The following ITGA8 variants were observed in gnomAD, a reference collection of about 807,000 sequenced individuals.
ITGA8 encodes integrin subunit alpha 8, also known as integrin alpha-8.
A neutral mutation model predicts 142.3 loss-of-function variants in ITGA8; 91 were observed. The ratio of observed to expected loss-of-function variants is 0.64; its 90% CI spans 0.54 to 0.76. ITGA8 has a LOEUF of 0.76. Among genes scored for constraint, ITGA8 ranks in the 30% least tolerant of loss-of-function variants. The pLI is 0.00. For synonymous variants in ITGA8, 505 were observed against 485.2 expected (o/e 1.04, Z -0.54); for missense variants, 1,406 against 1,327.7 (o/e 1.06, Z -0.92).
chr10:15,671,232 G>A (rs1002549508), intron 8 of ITGA8, among the ~76,000 whole-genome samples: 2 of 152,092 alleles, frequency 1.3e-5, no homozygotes, highest in African/African-American at 2.4e-5. Flanking sequence ...GAGTTCGTTG[G>A]GGAGAGTAAT....
At chr10:15,683,951 C>G in intron 4 of ITGA8, 53 bp downstream of exon 4, 5 of 1,608,582 alleles carry the variant, frequency 3.1e-6, no homozygotes, top group Non-Finnish European at 3.4e-6. Flanking sequence ...CTCCTGTCTA[C>G]GATAGAAAAG....
At chr10:15,544,308 AAAC>A (rs774007923) in intron 27 of ITGA8, among the ~76,000 whole-genome samples, 78 of 150,758 alleles carry the variant, frequency 5.2e-4, no homozygotes, top group Non-Finnish European at 9.9e-4. Flanking sequence ...TACCAAAAAA[AAAC>A]AAAACAAAAC....
intron 13 of ITGA8, among the ~76,000 whole-genome samples, chr10:15,634,530 C>G (rs184067884): frequency 2.6e-5 from 4 of 152,066 alleles, no homozygotes; most frequent in African/African-American, 9.7e-5. Context: ...TGATTTAATT[C>G]GGGCCCGTGA....
chr10:15,719,753 G>T lies in ITGA8; in HGVS notation c.19C>A (p.Arg7Ser), dbSNP rs769208040. 1.5e-6 allele frequency: 2 copies of T among 1,356,278 alleles called. No individual in the cohort carries two copies. Among genetic ancestry groups the T allele is most frequent in the Non-Finnish European group, 1.9e-6 (2 of 1,062,932 alleles). The allele number at this position is 1,356,278 out of a possible 1,614,324, so 84.0% of individuals were successfully genotyped here. ...GGCGCCTGGCTTCCCCGGGGACCGC[G>T]GCTGGCCCCGGGCGACATCTCCCTC... is the stretch of plus-strand genomic sequence containing the variant. The part of the protein sequence containing the change: MSPGAS[R>S]GPRGSQAPLI... Residue 7 changes from arginine (R) to serine (S), a missense_variant, in exon 1 of 30, where the codon CGC becomes AGC. By Grantham distance (110) the Arg-to-Ser change is moderately radical. Coordinates refer to ENST00000378076, the MANE Select transcript of ITGA8 (RefSeq NM_003638.3).
Position 15,670,510 on chromosome 10 carries a change from C to T in ITGA8, c.847+1093G>A, listed in dbSNP as rs186309712. ...AGCTGTTTCCGGTATGAATCTATTACGAGCAACACATGGTCTAGTCTTTGT... is the reference window on the plus strand; with the variant it reads ...AGCTGTTTCCGGTATGAATCTATTATGAGCAACACATGGTCTAGTCTTTGT... On this transcript the variant is annotated intron_variant, in intron 8 of 29. Coordinates refer to ENST00000378076, the MANE Select transcript of ITGA8 (RefSeq NM_003638.3). 8.4e-4 allele frequency among the ~76,000 whole-genome samples: 128 copies of T among 152,244 alleles called. 1 individual carries two copies. The highest frequency in any genetic ancestry group is 2.1e-3 in the African/African-American group (88 of 41,544).
chr10:15,663,620 G>A (rs956343465), intron 8 of ITGA8, among the ~76,000 whole-genome samples: 3 of 151,870 alleles, frequency 2.0e-5, no homozygotes, highest in South Asian at 2.1e-4. Context: ...CAAGGCTAGA[G>A]TGCAGTGGTG....
At chr10:15,664,077 A>G (rs938783679) in intron 8 of ITGA8, among the ~76,000 whole-genome samples, 8 of 152,222 alleles carry the variant, frequency 5.3e-5, no homozygotes, top group Non-Finnish European at 1.0e-4. Context: ...TTATGGATAC[A>G]CAGAGTTAAC....
At chr10:15,717,611 T>C (rs1436249739) in intron 2 of ITGA8, among the ~76,000 whole-genome samples, 5 of 152,254 alleles carry the variant, frequency 3.3e-5, no homozygotes, top group Non-Finnish European at 7.3e-5. Flanking sequence ...AATGATAAGC[T>C]ATTGTGACCA....
At chr10:15,652,198 TAAA>T (rs1352597227) in intron 11 of ITGA8, among the ~76,000 whole-genome samples, 2 of 152,176 alleles carry the variant, frequency 1.3e-5, no homozygotes, top group Non-Finnish European at 2.9e-5. Flanking sequence ...ACATGACAAA[TAAA>T]AAGTACTATA....
chr10:15,593,974 T>A (rs555544876), intron 21 of ITGA8, among the ~76,000 whole-genome samples: 1 of 151,802 alleles, frequency 6.6e-6, no homozygotes, highest in Non-Finnish European at 1.5e-5. Context: ...CCTGAGTAGC[T>A]GGGATTACGG....
chr10:15,659,063 C>A lies in ITGA8; in HGVS notation c.892-8G>T. 1 of 1,600,678 alleles carries A rather than the reference C, an allele frequency of 6.2e-7. No individual in the cohort carries two copies. Among genetic ancestry groups the A allele is most frequent in the Non-Finnish European group, 8.5e-7 (1 of 1,170,604 alleles). Reference sequence around the variant, plus strand: ...AGAGTTAATGATGGAAACCTGAAATCACAGAAATTAAACAGGTTACACCAT... The same window carrying A: ...AGAGTTAATGATGGAAACCTGAAATAACAGAAATTAAACAGGTTACACCAT... On this transcript the variant is annotated splice_region_variant and splice_polypyrimidine_tract_variant and intron_variant, in intron 9 of 29. Transcript: ENST00000378076.
intron 14 of ITGA8, among the ~76,000 whole-genome samples, chr10:15,615,740 C>T (rs916877275): frequency 6.6e-6 from 1 of 152,134 alleles, no homozygotes; most frequent in Non-Finnish European, 1.5e-5. Flanking sequence ...TCTCAAATGC[C>T]TGACCTCAAG....
chr10:15,620,831 T>A lies in ITGA8; in HGVS notation c.1400-4272A>T, dbSNP rs1291212161. Among the ~76,000 whole-genome samples the A allele has an allele frequency of 2.0e-5, 3 of 152,234 alleles. No individual in the cohort carries two copies. The East Asian group carries it at 5.8e-4, about 29-fold the overall frequency. Reference sequence around the variant, plus strand: ...GTGTATGCAGCGTATCTGTTATATATCTGTTCTATTTATATACACATACAT... The same window carrying A: ...GTGTATGCAGCGTATCTGTTATATAACTGTTCTATTTATATACACATACAT... On this transcript the variant is annotated intron_variant, in intron 13 of 29. Coordinates refer to ENST00000378076, the MANE Select transcript of ITGA8 (RefSeq NM_003638.3).
chr10:15,541,861 T>C (rs969334600), intron 27 of ITGA8, among the ~76,000 whole-genome samples: 2 of 152,120 alleles, frequency 1.3e-5, no homozygotes, highest in African/African-American at 4.8e-5. Context: ...TTAGCAAATA[T>C]GAATCCAAAA....
chr10:15,614,297 C>G (rs188057178), intron 14 of ITGA8, among the ~76,000 whole-genome samples: 7 of 152,178 alleles, frequency 4.6e-5, no homozygotes, highest in Admixed American at 2.6e-4. Flanking sequence ...GCTAAATACA[C>G]GAAGCAGGGT....
chr10:15,639,221 G>C (rs1284682722), intron 13 of ITGA8, among the ~76,000 whole-genome samples: 1 of 152,104 alleles, frequency 6.6e-6, no homozygotes, highest in Non-Finnish European at 1.5e-5. Context: ...CAATGTTGGA[G>C]AGAACAGCGG....
chr10:15,559,013 T>C (rs1833930668), intron 25 of ITGA8, among the ~76,000 whole-genome samples: 1 of 152,238 alleles, frequency 6.6e-6, no homozygotes. Flanking sequence ...CAGTTTCTCT[T>C]TGTAGTCACA....
chr10:15,718,773 G>C lies in ITGA8; in HGVS notation c.336C>G (p.Asp112Glu). Residue 112 changes from aspartate (D) to glutamate (E), a missense_variant, in exon 2 of 30, where the codon GAC becomes GAG. Physicochemically the swap from Asp to Glu is conservative, Grantham distance 45. Coordinates refer to ENST00000378076, the MANE Select transcript of ITGA8 (RefSeq NM_003638.3). The part of the protein sequence containing the change: ...GSAQCRQIPF[D>E]TTNNRKIRVN... Reference sequence around the variant, plus strand: ...AGGACAAATCTCACTTACTGGTGGTGTCAAACGGTATCTGCCTGCACTGCG... The same window carrying C: ...AGGACAAATCTCACTTACTGGTGGTCTCAAACGGTATCTGCCTGCACTGCG... 1 of 1,613,964 alleles carries C rather than the reference G, an allele frequency of 6.2e-7. No homozygotes were observed. Among genetic ancestry groups the C allele is most frequent in the Non-Finnish European group, 8.5e-7 (1 of 1,179,924 alleles).
At position 15,718,854 on chromosome 10, in the gene ITGA8, G is replaced by A; in HGVS notation, c.255C>T (p.Pro85=). The change falls in exon 2 of 30, where the codon CCC becomes CCT. Residue 85 remains proline, a synonymous_variant. Transcript: ENST00000378076. ...AGACGGCTCCCCCTTCCACGATATC[G>A]GGCTGGCTGGTGTTGGCTTTGGGCG... ...VGAPKANTSQ[P]DIVEGGAVYY... 1 of 1,614,146 alleles carries A rather than the reference G, an allele frequency of 6.2e-7. No homozygotes were observed. Among genetic ancestry groups the A allele is most frequent in the African/African-American group, 1.3e-5 (1 of 75,038 alleles).
Sources: gnomAD v4.1 joint callset for allele counts (sites outside exome capture counted in the v4.1 genomes callset) on GRCh38, gnomAD v4.1.1 for gene constraint, MANE v1.5 for transcripts, NCBI Gene and HGNC (gene_info 2026-07-23, HGNC 2026-07-21) for gene names.